Variants in OXSR1 observed in about 807,000 individuals in gnomAD.
OXSR1 encodes serine/threonine-protein kinase OSR1.
In OXSR1, 24 loss-of-function variants were observed where a neutral mutation model predicts 79.8. That is an observed-to-expected ratio of 0.30 (90% confidence interval 0.22 to 0.42). OXSR1 has a LOEUF of 0.42. Ranked by LOEUF, OXSR1 falls within the 10% of genes least tolerant of loss-of-function variation. OXSR1 has a pLI of 1.00. For synonymous variants in OXSR1, 226 were observed against 209.2 expected (o/e 1.08, Z -0.69); for missense variants, 430 against 618.4 (o/e 0.70, Z 3.23).
chr3:38,164,624 T>C (rs1701391706), upstream of OXSR1, among the ~76,000 whole-genome samples: 1 of 152,112 alleles, frequency 6.6e-6, no homozygotes, highest in Non-Finnish European at 1.5e-5. Flanking sequence ...CTGAGAAAAC[T>C]GTTCAGTGGG....
chr3:38,214,884 A>C (rs1390889017), intron 4 of OXSR1, among the ~76,000 whole-genome samples: 1 of 152,234 alleles, frequency 6.6e-6, no homozygotes, highest in Admixed American at 6.5e-5. Flanking sequence ...AAAGGGGACC[A>C]GGGATAGGAT....
intron 14 of OXSR1, among the ~76,000 whole-genome samples, chr3:38,248,382 G>C (rs763497139): frequency 9.1e-5 from 11 of 120,846 alleles, no homozygotes; most frequent in African/African-American, 1.6e-4. Flanking sequence ...AAATTCCAGA[G>C]CTTTCTTGTC....
intron 5 of OXSR1, among the ~76,000 whole-genome samples, chr3:38,217,185 T>TAA (rs1422176957): frequency 2.0e-5 from 3 of 152,242 alleles, no homozygotes; most frequent in African/African-American, 7.2e-5. Flanking sequence ...CTTACACTAG[T>TAA]AATTTGTTAA....
chr3:38,219,789 GA>G (rs1157817724), intron 5 of OXSR1, among the ~76,000 whole-genome samples: 35 of 145,680 alleles, frequency 2.4e-4, no homozygotes, highest in African/African-American at 8.6e-4. Context: ...AGATGATGAT[GA>G]TGATGATGAT....
At chr3:38,246,961 A>ATT (rs11428789) in intron 13 of OXSR1, among the ~76,000 whole-genome samples, 15 of 145,996 alleles carry the variant, frequency 1.0e-4, no homozygotes, top group African/African-American at 2.5e-4. Flanking sequence ...TAAAGGTCTG[A>ATT]TTTTTTTTTT....
intron 1 of OXSR1, among the ~76,000 whole-genome samples, chr3:38,176,358 T>C (rs1354248916): frequency 4.6e-5 from 7 of 152,240 alleles, no homozygotes; most frequent in East Asian, 1.9e-4. Context: ...AAAATAATTA[T>C]GATAAAACTT....
intron 10 of OXSR1, among the ~76,000 whole-genome samples, chr3:38,236,221 A>G (rs909162009): frequency 8.2e-6 from 1 of 121,676 alleles, no homozygotes; most frequent in Admixed American, 9.2e-5. Context: ...TAGAGATTTC[A>G]TAACAGAGTT....
chr3:38,176,876 C>A (rs1235953211), intron 1 of OXSR1, among the ~76,000 whole-genome samples: 1 of 152,168 alleles, frequency 6.6e-6, no homozygotes, highest in African/African-American at 2.4e-5. Flanking sequence ...AAGTTAAAAT[C>A]AAACATTTCT....
chr3:38,177,491 G>A (rs1380456684), intron 1 of OXSR1, among the ~76,000 whole-genome samples: 5 of 152,182 alleles, frequency 3.3e-5, no homozygotes, highest in Non-Finnish European at 7.4e-5. Flanking sequence ...CTAAACTGTT[G>A]TCAAAATTGT....
At chr3:38,173,015 T>C (rs924936261) in intron 1 of OXSR1, among the ~76,000 whole-genome samples, 1 of 152,180 alleles carries the variant, frequency 6.6e-6, no homozygotes, top group Admixed American at 6.5e-5. Flanking sequence ...CAGAAGAATA[T>C]GGCAAAAGGA....
chr3:38,223,902 C>G lies in OXSR1; in HGVS notation c.691C>G (p.Pro231Ala). The G allele has an allele frequency of 6.3e-7, 1 of 1,594,640 alleles. No homozygotes were observed. ...AGGGGCGGCTCCTTATCATAAATATCCACCAATGAAGGTGAGGCTTGTATT... is the reference window on the plus strand; with the variant it reads ...AGGGGCGGCTCCTTATCATAAATATGCACCAATGAAGGTGAGGCTTGTATT... ...ATGAAPYHKY[P>A]PMKVLMLTLQ... The change falls in exon 7 of 18, where the codon CCA (proline) becomes GCA (alanine). Residue 231 changes from proline to alanine, a missense_variant. This residue lies in a region of OXSR1 where 276 missense variants were observed against 354.2 expected (regional missense o/e 0.78). Transcript: ENST00000311806.
At chr3:38,184,664 T>C (rs1268605356) in intron 2 of OXSR1, among the ~76,000 whole-genome samples, 1 of 152,126 alleles carries the variant, frequency 6.6e-6, no homozygotes, top group Non-Finnish European at 1.5e-5. Context: ...ATAACTTAAG[T>C]TCACTTGATG....
chr3:38,223,741 C>A, intron 6 of OXSR1, 71 bp from the exon 7 acceptor site: 3 of 1,090,702 alleles, frequency 2.8e-6, no homozygotes, highest in Non-Finnish European at 4.1e-6. Context: ...TGAGCCTCCA[C>A]CCTGGCCAGA....
chr3:38,252,685 G>C, intron 17 of OXSR1, 132 bp from the exon 18 acceptor site: 1 of 697,154 alleles, frequency 1.4e-6, no homozygotes, highest in Non-Finnish European at 2.5e-6. Flanking sequence ...AAACACCTTC[G>C]TCAGTCTCCT....
intron 1 of OXSR1, among the ~76,000 whole-genome samples, chr3:38,168,320 G>A (rs939473062): frequency 9.2e-5 from 14 of 151,912 alleles, no homozygotes; most frequent in African/African-American, 3.1e-4. Context: ...CATCATCCCC[G>A]TGAGATCTCT....
At chr3:38,203,730 G>C (rs1040433306) in intron 4 of OXSR1, among the ~76,000 whole-genome samples, 11 of 152,056 alleles carry the variant, frequency 7.2e-5, no homozygotes, top group African/African-American at 2.7e-4. Context: ...GCTGGGGGTG[G>C]GATGACACAA....
intron 12 of OXSR1, among the ~76,000 whole-genome samples, chr3:38,243,522 G>A (rs191421992): frequency 7.7e-4 from 117 of 152,160 alleles, no homozygotes; most frequent in African/African-American, 2.2e-3. Context: ...TCTCATTACC[G>A]GAGAAAGACA....
At chr3:38,175,957 C>T (rs1488035936) in intron 1 of OXSR1, among the ~76,000 whole-genome samples, 1 of 152,136 alleles carries the variant, frequency 6.6e-6, no homozygotes, top group African/African-American at 2.4e-5. Flanking sequence ...TGTTGGTATT[C>T]AGATTAGGCC....
chr3:38,252,974 C>A lies in OXSR1; in HGVS notation c.*83C>A. The A allele has an allele frequency of 9.2e-7, 1 of 1,089,486 alleles. No homozygotes were observed. The highest frequency in any genetic ancestry group is 1.4e-6 in the Non-Finnish European group (1 of 713,170). The allele number at this position is 1,089,486 out of a possible 1,614,324, so 67.5% of individuals were successfully genotyped here. ...TTCTATTGGCCTAAACCCACTACTG[C>A]CAAAGAACCCAGCAACAAACCTCCC... On this transcript the variant is annotated 3_prime_UTR_variant, in exon 18 of 18. Coordinates refer to ENST00000311806, the MANE Select transcript of OXSR1 (RefSeq NM_005109.3).
Sources: allele counts gnomAD v4.1 joint callset (sites outside exome capture counted in the v4.1 genomes callset), GRCh38; gene constraint gnomAD v4.1.1; regional missense constraint gnomAD v4.1.1; transcripts MANE v1.5; gene names NCBI Gene and HGNC (gene_info 2026-07-23, HGNC 2026-07-21).